FAR2: variants seen among roughly 807,000 people sequenced by gnomAD.
FAR2 encodes the protein epididymis secretory protein Li 81.
In FAR2, 19 loss-of-function variants were observed where a neutral mutation model predicts 56.0. The observed-to-expected ratio is 0.34, with a 90% CI of 0.24 to 0.50. The LOEUF is 0.50. FAR2 is among the 20% of genes least tolerant of loss of function. The probability of loss-of-function intolerance (pLI) is 0.98; values close to 1 mark genes in which losing one functional copy is unlikely to be tolerated. For synonymous variants in FAR2, 219 were observed against 218.8 expected (o/e 1.00, Z -0.01); for missense variants, 508 against 642.2 (o/e 0.79, Z 2.26).
intron 2 of FAR2, 105 bp downstream of exon 2, chr12:29,270,743 C>T: frequency 1.0e-6 from 1 of 969,154 alleles, no homozygotes; most frequent in Non-Finnish European, 1.4e-6. Flanking sequence ...ACCAGGCTAC[C>T]TGCACAGGTA....
chr12:29,268,616 C>G (rs377602883), intron 1 of FAR2, among the ~76,000 whole-genome samples: 1 of 152,192 alleles, frequency 6.6e-6, no homozygotes, highest in East Asian at 1.9e-4. Context: ...TCTCTACCCC[C>G]TGAGCAGCAT....
At chr12:29,247,011 T>C (rs1948139135) in intron 1 of FAR2, among the ~76,000 whole-genome samples, 1 of 152,138 alleles carries the variant, frequency 6.6e-6, no homozygotes, top group Non-Finnish European at 1.5e-5. Context: ...TCATAATAAC[T>C]AATAACTAAC....
intron 1 of FAR2, among the ~76,000 whole-genome samples, chr12:29,257,671 C>A (rs532653329): frequency 6.6e-6 from 1 of 151,780 alleles, no homozygotes; most frequent in Non-Finnish European, 1.5e-5. Flanking sequence ...CCAGACGCGC[C>A]GCCTTAAGAG....
At chr12:29,299,213 C>CAAAAAAAAAAAAAAAA (rs71042981) in intron 4 of FAR2, among the ~76,000 whole-genome samples, 24 of 103,568 alleles carry the variant, frequency 2.3e-4, no homozygotes, top group African/African-American at 7.3e-4. Context: ...AACTTTGTCT[C>CAAAAAAAAAAAAAAAA]AAAAAAAAAA....
intron 1 of FAR2, among the ~76,000 whole-genome samples, chr12:29,162,887 C>T (rs974372581): frequency 3.5e-4 from 53 of 152,276 alleles, no homozygotes; most frequent in Admixed American, 1.5e-3. Flanking sequence ...ATTCATTCAA[C>T]GAGTATTTAT....
At chr12:29,297,487 C>T (rs769240416) in intron 4 of FAR2, among the ~76,000 whole-genome samples, 5 of 152,138 alleles carry the variant, frequency 3.3e-5, no homozygotes, top group Non-Finnish European at 7.3e-5. Flanking sequence ...TCTTAATGAA[C>T]TTAGCATTGT....
At chr12:29,238,242 A>T (rs577494411) in intron 1 of FAR2, among the ~76,000 whole-genome samples, 2 of 152,256 alleles carry the variant, frequency 1.3e-5, no homozygotes, top group East Asian at 3.9e-4. Flanking sequence ...CAACCCAAAC[A>T]ATATAGAGCA....
At chr12:29,256,528 C>T (rs972861968) in intron 1 of FAR2, among the ~76,000 whole-genome samples, 1 of 152,234 alleles carries the variant, frequency 6.6e-6, no homozygotes, top group Non-Finnish European at 1.5e-5. Context: ...TCTGCCTGGG[C>T]TCCCACTTTG....
At chr12:29,253,103 G>T (rs12301468) in intron 1 of FAR2, among the ~76,000 whole-genome samples, 7,946 of 151,652 alleles carry the variant, frequency 0.052, 518 homozygotes, top group African/African-American at 0.15. Context: ...AGCCTAACCT[G>T]CAGATTTTAA....
chr12:29,186,977 A>G (rs967584450), intron 1 of FAR2, among the ~76,000 whole-genome samples: 1 of 151,802 alleles, frequency 6.6e-6, no homozygotes. Flanking sequence ...TTTAGTAGAG[A>G]CGGGGTTTCA....
chr12:29,322,420 T>C (rs1949567192), intron 10 of FAR2, among the ~76,000 whole-genome samples: 1 of 152,198 alleles, frequency 6.6e-6, no homozygotes, highest in Admixed American at 6.5e-5. Context: ...GCACTCTGCC[T>C]CACCTCAGAC....
chr12:29,329,584 A>G (rs1469973494), intron 10 of FAR2, among the ~76,000 whole-genome samples: 2 of 152,230 alleles, frequency 1.3e-5, no homozygotes, highest in African/African-American at 4.8e-5. Context: ...CTATAAAAAT[A>G]AAAGCCTCTG....
intron 1 of FAR2, among the ~76,000 whole-genome samples, chr12:29,238,216 A>ATT (rs35944690): frequency 6.6e-6 from 1 of 151,854 alleles, no homozygotes; most frequent in Admixed American, 6.6e-5. Context: ...GTAAGGCCAG[A>ATT]TTTTTTTCCT....
intron 4 of FAR2, among the ~76,000 whole-genome samples, chr12:29,304,137 G>T (rs948369066): frequency 6.6e-6 from 1 of 152,134 alleles, no homozygotes; most frequent in South Asian, 2.1e-4. Context: ...TTTGCTTCCT[G>T]CTCTAAAAGA....
intron 1 of FAR2, among the ~76,000 whole-genome samples, chr12:29,155,028 T>C (rs1949715559): frequency 6.6e-6 from 1 of 152,252 alleles, no homozygotes; most frequent in African/African-American, 2.4e-5. Context: ...TTAATAGGCA[T>C]TAAGTTGATG....
At chr12:29,236,674 C>T (rs1166103126) in intron 1 of FAR2, among the ~76,000 whole-genome samples, 1 of 152,100 alleles carries the variant, frequency 6.6e-6, no homozygotes, top group Non-Finnish European at 1.5e-5. Flanking sequence ...CAATCACTTC[C>T]CTGCCTTGGT....
intron 9 of FAR2, among the ~76,000 whole-genome samples, chr12:29,320,505 G>A (rs1331738355): frequency 3.9e-5 from 6 of 152,126 alleles, no homozygotes; most frequent in Non-Finnish European, 7.3e-5. Flanking sequence ...GAGTCATTAA[G>A]TACATGGGCA....
At chr12:29,158,552 G>A (rs1376950633) in intron 1 of FAR2, among the ~76,000 whole-genome samples, 4 of 152,204 alleles carry the variant, frequency 2.6e-5, no homozygotes, top group South Asian at 2.1e-4. Context: ...CAGTCCTGCC[G>A]GAGGCAATGG....
At chr12:29,274,027 C>T (rs962243812) in intron 2 of FAR2, among the ~76,000 whole-genome samples, 25 of 151,790 alleles carry the variant, frequency 1.6e-4, no homozygotes, top group African/African-American at 3.6e-4. Context: ...AGGATTCACA[C>T]GGTTATTGTG....
Sources: allele counts gnomAD v4.1 joint callset (sites outside exome capture counted in the v4.1 genomes callset), GRCh38; gene constraint gnomAD v4.1.1; transcripts MANE v1.5; gene names NCBI Gene and HGNC (gene_info 2026-07-23, HGNC 2026-07-21).